The following ADARB2 variants were observed in gnomAD, a reference collection of about 807,000 sequenced individuals.
ADARB2 encodes inactive double-stranded RNA-specific editase B2.
A neutral mutation model predicts 62.2 loss-of-function variants in ADARB2; 25 were observed. The observed-to-expected ratio is 0.40, with a 90% confidence interval of 0.29 to 0.56. The LOEUF is 0.56. ADARB2 is among the 20% of genes least tolerant of loss of function. The pLI is 0.43. For synonymous variants in ADARB2, 572 were observed against 500.8 expected (o/e 1.14, Z -1.90); for missense variants, 1,071 against 1,077.4 (o/e 0.99, Z 0.08).
In ADARB2 at chr10:1,304,217, T is replaced by C. The variant is rs867333389; in HGVS notation, c.1078-33148A>G. Among the ~76,000 whole-genome samples the C allele has an allele frequency of 3.9e-5, 6 of 152,096 alleles. 1 individual carries two copies. The highest frequency in any genetic ancestry group is 6.8e-3 in the Middle Eastern group (2 of 294). On this transcript the variant is annotated intron_variant, in intron 3 of 9. Coordinates refer to ENST00000381312, the MANE Select transcript of ADARB2 (RefSeq NM_018702.4). Reference sequence around the variant, plus strand: ...AATGGAAAACAAAAAAAGGCAAGGGTTGCAATCCTAGTCTCTGATAAAACA... The same window carrying C: ...AATGGAAAACAAAAAAAGGCAAGGGCTGCAATCCTAGTCTCTGATAAAACA...
At chr10:1,323,350 C>T (rs1430360206) in intron 3 of ADARB2, among the ~76,000 whole-genome samples, 8 of 151,496 alleles carry the variant, frequency 5.3e-5, no homozygotes, top group East Asian at 1.9e-4. Flanking sequence ...AGAGACATGC[C>T]GTATTCACAG....
chr10:1,300,405 C>T (rs971169049), intron 3 of ADARB2, among the ~76,000 whole-genome samples: 1 of 152,166 alleles, frequency 6.6e-6, no homozygotes, highest in Non-Finnish European at 1.5e-5. Flanking sequence ...TCCACGCCCC[C>T]CACACCACCT....
At chr10:1,209,386 C>G (rs540303298) in intron 7 of ADARB2, among the ~76,000 whole-genome samples, 2,805 of 120,358 alleles carry the variant, frequency 0.023, 199 homozygotes, top group African/African-American at 0.092. Flanking sequence ...CCTACAGCCT[C>G]ACCCACACCC....
intron 6 of ADARB2, among the ~76,000 whole-genome samples, chr10:1,232,770 T>C (rs1006280787): frequency 2.0e-5 from 3 of 151,068 alleles, no homozygotes; most frequent in East Asian, 1.9e-4. Flanking sequence ...GTGTGTGTGG[T>C]ATATATGGTA....
rs976517024 is a variant in ADARB2 at position 1,675,872 on chromosome 10, C to G, written c.100+61179G>C. ...ATCCCTGCAGGAGGGCAGAGGCCAG[C>G]CTCAGCTCTGAGTGGCAGCTCAGAG... is the stretch of plus-strand genomic sequence containing the variant. On this transcript the variant is annotated intron_variant, in intron 1 of 9. Transcript: ENST00000381312. 6 of 757,406 alleles carry G rather than the reference C, an allele frequency of 7.9e-6. No individual in the cohort carries two copies. The African/African-American group carries it at 1.1e-4, about 14-fold the overall frequency. 46.9% of individuals were successfully genotyped at this position (757,406 alleles called of 1,614,324 possible). A position where few individuals can be genotyped will look rare whatever the true frequency, so the allele number is the denominator to read the frequency against.
At chr10:1,683,989 G>A (rs906636703) in intron 1 of ADARB2, among the ~76,000 whole-genome samples, 1 of 152,204 alleles carries the variant, frequency 6.6e-6, no homozygotes, top group South Asian at 2.1e-4. Context: ...CAAAGAGCCG[G>A]GATCCCACAC....
intron 1 of ADARB2, among the ~76,000 whole-genome samples, chr10:1,634,132 C>T (rs1321494389): frequency 6.6e-6 from 1 of 152,164 alleles, no homozygotes; most frequent in East Asian, 1.9e-4. Context: ...GGTGTGTTTC[C>T]TCCTCCCTCA....
intron 6 of ADARB2, among the ~76,000 whole-genome samples, chr10:1,231,826 A>G (rs1194413338): frequency 6.6e-6 from 1 of 152,160 alleles, no homozygotes; most frequent in Non-Finnish European, 1.5e-5. Context: ...GAAGTCCGCA[A>G]AAAGGAGGAG....
intron 1 of ADARB2, among the ~76,000 whole-genome samples, chr10:1,721,746 T>G (rs1835095915): frequency 6.6e-6 from 1 of 152,162 alleles, no homozygotes; most frequent in Non-Finnish European, 1.5e-5. Context: ...GAGCTCTGGA[T>G]CTCAGGGACA....
chr10:1,551,686 C>A (rs930123941), intron 1 of ADARB2, among the ~76,000 whole-genome samples: 3 of 152,204 alleles, frequency 2.0e-5, no homozygotes, highest in Admixed American at 2.0e-4. Flanking sequence ...GAGGGAGCAC[C>A]TGAGGCGCCA....
chr10:1,726,253 A>G (rs1835162788), intron 1 of ADARB2, among the ~76,000 whole-genome samples: 1 of 152,224 alleles, frequency 6.6e-6, no homozygotes, highest in Non-Finnish European at 1.5e-5. Flanking sequence ...TATGAGAGAA[A>G]AGGAACAGAC....
intron 1 of ADARB2, among the ~76,000 whole-genome samples, chr10:1,623,861 T>C (rs1301959632): frequency 6.6e-6 from 1 of 152,182 alleles, no homozygotes; most frequent in Non-Finnish European, 1.5e-5. Flanking sequence ...ATTATTATCA[T>C]CATTTGTTCA....
chr10:1,687,872 G>A (rs552411913), intron 1 of ADARB2, among the ~76,000 whole-genome samples: 95 of 152,226 alleles, frequency 6.2e-4, no homozygotes, highest in African/African-American at 2.1e-3. Context: ...GCTTGAAGAG[G>A]AAAATATTAA....
intron 1 of ADARB2, among the ~76,000 whole-genome samples, chr10:1,546,372 G>C (rs908988029): frequency 6.6e-6 from 1 of 152,214 alleles, no homozygotes; most frequent in African/African-American, 2.4e-5. Flanking sequence ...CGGCCTCCAC[G>C]GGGTGGGAAG....
intron 7 of ADARB2, among the ~76,000 whole-genome samples, chr10:1,211,170 G>GATCTATCATCTAATTTTC (rs1837145724): frequency 6.9e-6 from 1 of 145,558 alleles, no homozygotes; most frequent in African/African-American, 2.5e-5. Context: ...TCTAATCTAT[G>GATCTATCATCTAATTTTC]ATCTATCATC....
chr10:1,178,232 T>C lies in ADARB2; in HGVS notation c.*4961A>G, dbSNP rs1433016614. On this transcript the variant is annotated 3_prime_UTR_variant, in exon 10 of 10. Coordinates refer to ENST00000381312, the MANE Select transcript of ADARB2 (RefSeq NM_018702.4). ...GAGCCAGGAGTTTTGGGACAGGGACTAACAAGACAGCAAGAAAGGGAAGAG... is the reference window on the plus strand; with the variant it reads ...GAGCCAGGAGTTTTGGGACAGGGACCAACAAGACAGCAAGAAAGGGAAGAG... 2.1e-5 allele frequency: 3 copies of C among 143,560 alleles called. No individual in the cohort carries two copies. Among genetic ancestry groups the C allele is most frequent in the African/African-American group, 9.0e-5 (3 of 33,218 alleles). The allele number at this position is 143,560 out of a possible 1,614,324, so 8.9% of individuals were successfully genotyped here.
chr10:1,544,018 CA>C lies in ADARB2; in HGVS notation c.101-164859del, dbSNP rs777877743. ...GTGACCAAAAAAAAAAAAAAACAAA[CA>C]AAAAAAAAAACACACAAAATGGTGA... On this transcript the variant is annotated intron_variant, in intron 1 of 9. Transcript: ENST00000381312. Among the ~76,000 whole-genome samples, 315 of 107,802 alleles carry C rather than the reference CA, an allele frequency of 2.9e-3. 4 individuals are homozygous for C. Among genetic ancestry groups the C allele is most frequent in the African/African-American group, 0.012 (263 of 21,680 alleles). The allele number at this position is 107,802 out of a possible 152,430, so 70.7% of individuals were successfully genotyped here. A position where few individuals can be genotyped will look rare whatever the true frequency, so the allele number is the denominator to read the frequency against.
At chr10:1,650,812 T>G (rs1834100562) in intron 1 of ADARB2, among the ~76,000 whole-genome samples, 1 of 152,144 alleles carries the variant, frequency 6.6e-6, no homozygotes, top group Non-Finnish European at 1.5e-5. Flanking sequence ...AGTGGGACAT[T>G]TGCCCCTAGC....
chr10:1,560,439 TGGG>T (rs1832770425), intron 1 of ADARB2, among the ~76,000 whole-genome samples: 1 of 151,616 alleles, frequency 6.6e-6, no homozygotes, highest in Admixed American at 6.6e-5. Context: ...AGGCGCACCC[TGGG>T]TCGTCACACA....
Sources: allele counts gnomAD v4.1 joint callset (sites outside exome capture counted in the v4.1 genomes callset), GRCh38; gene constraint gnomAD v4.1.1; transcripts MANE v1.5; gene names NCBI Gene and HGNC (gene_info 2026-07-23, HGNC 2026-07-21).